SLC1A2: variants seen among roughly 807,000 people sequenced by gnomAD.
SLC1A2 encodes the protein solute carrier family 1 member 2, also known as excitatory amino acid transporter 2.
In SLC1A2, 15 loss-of-function variants were observed where a neutral mutation model predicts 48.8. The observed-to-expected ratio is 0.31, with a 90% confidence interval of 0.21 to 0.47. SLC1A2 has a LOEUF of 0.47. Among genes scored for constraint, SLC1A2 ranks in the 20% least tolerant of loss-of-function variants. SLC1A2 has a pLI of 0.99. For synonymous variants in SLC1A2, 279 were observed against 272.6 expected, an observed-to-expected ratio of 1.02 and a Z score of -0.23; for missense variants, 502 against 730.5, an observed-to-expected ratio of 0.69 and a Z score of 3.61.
intron 1 of SLC1A2, among the ~76,000 whole-genome samples, chr11:35,379,370 A>G (rs1854344824): frequency 6.6e-6 from 1 of 152,236 alleles, no homozygotes; most frequent in African/African-American, 2.4e-5. Context: ...AACTATTGCA[A>G]ATCCTTTGCC....
At chr11:35,335,426 G>A (rs898295245) in intron 1 of SLC1A2, among the ~76,000 whole-genome samples, 1 of 152,154 alleles carries the variant, frequency 6.6e-6, no homozygotes, top group Admixed American at 6.5e-5. Flanking sequence ...AAGTCACGGG[G>A]AACAAATTAG....
intron 1 of SLC1A2, among the ~76,000 whole-genome samples, chr11:35,414,098 T>C (rs1196846271): frequency 6.6e-6 from 1 of 152,180 alleles, no homozygotes; most frequent in African/African-American, 2.4e-5. Context: ...AGTGAGTCCA[T>C]ATTCTAAAGC....
rs554720236 is a variant in SLC1A2, at chr11:35,353,897, T to G, written c.18-36381A>C. 9.9e-5 allele frequency among the ~76,000 whole-genome samples: 15 copies of G among 152,282 alleles called. No homozygotes were observed. In the East Asian group the frequency reaches 2.9e-3, roughly 29 times the overall value. On this transcript the variant is annotated intron_variant, in intron 1 of 10. Coordinates refer to ENST00000278379, the MANE Select transcript of SLC1A2 (RefSeq NM_004171.4). The stretch of plus-strand genomic sequence containing the variant: ...GATGTTAAGTGAATAAAGAGTATGA[T>G]CATAGGACTTAGTGCAATATTAATA...
intron 8 of SLC1A2, among the ~76,000 whole-genome samples, chr11:35,284,180 C>T (rs911959112): frequency 1.5e-4 from 22 of 149,838 alleles, no homozygotes; most frequent in African/African-American, 5.2e-4. Flanking sequence ...AAAACACAAA[C>T]CCCAGAGTAA....
At chr11:35,374,859 T>A (rs7119804) in intron 1 of SLC1A2, among the ~76,000 whole-genome samples, 1 of 152,330 alleles carries the variant, frequency 6.6e-6, no homozygotes, top group South Asian at 2.1e-4. Flanking sequence ...TATATATAAA[T>A]GTGTAAGGTG....
intron 1 of SLC1A2, among the ~76,000 whole-genome samples, chr11:35,320,221 A>G (rs1187169460): frequency 1.3e-5 from 2 of 152,348 alleles, no homozygotes; most frequent in African/African-American, 4.8e-5. Flanking sequence ...GCTGATTGCA[A>G]ACACACCTGG....
intron 1 of SLC1A2, among the ~76,000 whole-genome samples, chr11:35,378,553 C>CA (rs1310533561): frequency 6.6e-6 from 1 of 152,188 alleles, no homozygotes; most frequent in Non-Finnish European, 1.5e-5. Context: ...TGAAAATTTT[C>CA]ATGAAAACTA....
Position 35,317,427 on chromosome 11 carries a change from C to A in SLC1A2, c.107G>T (p.Arg36Leu). 1 of 1,614,164 alleles carries A rather than the reference C, an allele frequency of 6.2e-7. No individual in the cohort carries two copies. The highest frequency in any genetic ancestry group is 1.1e-5 in the South Asian group (1 of 91,082). The part of the protein sequence containing the change: ...EEPKHRHLGL[R>L]LCDKLGKNLL... ...ATTCTTCCCCAGCTTGTCACACAGGCGCAGGCCCAGGTGCCGGTGCTTGGG... is the reference window on the plus strand; with the variant it reads ...ATTCTTCCCCAGCTTGTCACACAGGAGCAGGCCCAGGTGCCGGTGCTTGGG... Residue 36 changes from arginine to leucine, a missense_variant, in exon 2 of 11, where the codon CGC (arginine) becomes CTC (leucine). Physicochemically the swap from Arg to Leu is moderately radical, Grantham distance 102. Coordinates refer to ENST00000278379, the MANE Select transcript of SLC1A2 (RefSeq NM_004171.4).
At chr11:35,343,084 AC>A (rs1237247825) in intron 1 of SLC1A2, among the ~76,000 whole-genome samples, 1 of 152,276 alleles carries the variant, frequency 6.6e-6, no homozygotes, top group African/African-American at 2.4e-5. Flanking sequence ...CAGACAAGTC[AC>A]AAAAACCACA....
intron 2 of SLC1A2, chr11:35,315,823 A>G (rs1005135239): frequency 2.6e-5 from 4 of 151,648 alleles, no homozygotes; most frequent in Admixed American, 2.0e-4. Context: ...AAAGAAAGAA[A>G]GAAAGAAAAA....
intron 4 of SLC1A2, among the ~76,000 whole-genome samples, chr11:35,311,832 A>T (rs1197406710): frequency 6.7e-6 from 1 of 148,808 alleles, no homozygotes; most frequent in Non-Finnish European, 1.5e-5. Flanking sequence ...CACATTTCCC[A>T]GCCTCATGCA....
intron 10 of SLC1A2, chr11:35,261,769 A>G (rs1365437675): frequency 2.5e-6 from 1 of 398,422 alleles, no homozygotes; most frequent in Non-Finnish European, 4.4e-6. Flanking sequence ...TAGAATATGG[A>G]GACGTGACAA....
At chr11:35,398,949 G>A (rs116316659) in intron 1 of SLC1A2, among the ~76,000 whole-genome samples, 2 of 152,224 alleles carry the variant, frequency 1.3e-5, no homozygotes, top group African/African-American at 4.8e-5. Context: ...AGAATAAGCA[G>A]AGGGTGTTTC....
At chr11:35,308,305 G>A (rs1488924567) in intron 4 of SLC1A2, among the ~76,000 whole-genome samples, 1 of 152,130 alleles carries the variant, frequency 6.6e-6, no homozygotes, top group Non-Finnish European at 1.5e-5. Context: ...ATTTCAAATA[G>A]CAAAGGCCAG....
chr11:35,384,482 C>T lies in SLC1A2; in HGVS notation c.17+34468G>A, dbSNP rs1854525998. ...TGAATAAGGAAGACCCACTCAGAGG[C>T]CATCTGCAAAGCATATGGCCATAAT... is the stretch of plus-strand genomic sequence containing the variant. On this transcript the variant is annotated intron_variant, in intron 1 of 10. Transcript: ENST00000278379. Among the ~76,000 whole-genome samples the T allele has an allele frequency of 1.3e-5, 2 of 152,168 alleles. 1 individual carries two copies. Among genetic ancestry groups the T allele is most frequent in the Admixed American group, 1.3e-4 (2 of 15,282 alleles).
chr11:35,383,615 C>T (rs1854498667), intron 1 of SLC1A2, among the ~76,000 whole-genome samples: 1 of 152,182 alleles, frequency 6.6e-6, no homozygotes, highest in Admixed American at 6.5e-5. Context: ...GTTCCCACCT[C>T]ATGGGGTTGT....
chr11:35,258,237 GATTTTCTAAGTAT>G lies in SLC1A2; in HGVS notation c.*2644_*2656del, dbSNP rs1331887412. On this transcript the variant is annotated 3_prime_UTR_variant, in exon 11 of 11. Transcript: ENST00000278379. ...ACTTATTGAATTTCCAGATAAGTGT[GATTTTCTAAGTAT>G]ATTCTCACGAGACTTCCTGCACACA... 2 of 152,212 alleles carry G rather than the reference GATTTTCTAAGTAT, an allele frequency of 1.3e-5. No individual in the cohort carries two copies. Among genetic ancestry groups the G allele is most frequent in the Non-Finnish European group, 2.9e-5 (2 of 68,046 alleles). 9.4% of individuals were successfully genotyped at this position (152,212 alleles called of 1,614,324 possible). A position where few individuals can be genotyped will look rare whatever the true frequency, so the allele number is the denominator to read the frequency against.
chr11:35,314,052 T>A (rs1851791280), intron 3 of SLC1A2, among the ~76,000 whole-genome samples: 1 of 152,160 alleles, frequency 6.6e-6, no homozygotes, highest in East Asian at 1.9e-4. Flanking sequence ...TATACCCTGT[T>A]TGAGCAATAT....
chr11:35,375,206 A>G, intron 1 of SLC1A2, among the ~76,000 whole-genome samples: 1 of 152,250 alleles, frequency 6.6e-6, no homozygotes, highest in East Asian at 1.9e-4. Flanking sequence ...ATAAAACCTC[A>G]TTACATTTAA....
Sources: allele counts gnomAD v4.1 joint callset (sites outside exome capture counted in the v4.1 genomes callset), GRCh38; gene constraint gnomAD v4.1.1; transcripts MANE v1.5; gene names NCBI Gene and HGNC (gene_info 2026-07-23, HGNC 2026-07-21).